MALRD1: variants seen among roughly 807,000 people sequenced by gnomAD.
The protein encoded by MALRD1 is MAM and LDL receptor class A domain containing 1, also known as MAM and LDL-receptor class A domain-containing protein 1.
In MALRD1, 247 loss-of-function variants were observed where a neutral mutation model predicts 242.1. The ratio of observed to expected loss-of-function variants is 1.02; its 90% CI spans 0.92 to 1.13. The LOEUF (loss-of-function observed/expected upper bound fraction) is 1.13, where lower values mean the gene tolerates loss of function less well. Ranked by LOEUF, MALRD1 falls within the 50% of genes most tolerant of loss-of-function variation. The pLI is 0.00. For missense variants in MALRD1, 2,989 were observed against 2,533.1 expected, an observed-to-expected ratio of 1.18 and a Z score of -3.86; for synonymous variants, 995 against 866.6, an observed-to-expected ratio of 1.15 and a Z score of -2.60.
At chr10:19,689,644 C>A (rs1302709758) in intron 36 of MALRD1, among the ~76,000 whole-genome samples, 1 of 152,108 alleles carries the variant, frequency 6.6e-6, no homozygotes, top group Non-Finnish European at 1.5e-5. Context: ...TTATCTTATA[C>A]AACGATATGA....
At chr10:19,421,654 A>G (rs1289916409) in intron 28 of MALRD1, among the ~76,000 whole-genome samples, 1 of 152,228 alleles carries the variant, frequency 6.6e-6, no homozygotes, top group Non-Finnish European at 1.5e-5. Flanking sequence ...AACGTATCCC[A>G]TATCTTCTAG....
intron 23 of MALRD1, among the ~76,000 whole-genome samples, chr10:19,329,136 A>G (rs967696235): frequency 4.6e-5 from 7 of 152,210 alleles, no homozygotes; most frequent in East Asian, 1.9e-4. Flanking sequence ...TTTGACTCTT[A>G]AAAGTAAATA....
intron 18 of MALRD1, among the ~76,000 whole-genome samples, chr10:19,239,667 AT>A (rs1406388860): frequency 6.6e-6 from 1 of 152,064 alleles, no homozygotes; most frequent in Non-Finnish European, 1.5e-5. Flanking sequence ...ATTTGAGTTG[AT>A]TTTTGTATAA....
chr10:19,059,174 T>C (rs1173344560), intron 1 of MALRD1, among the ~76,000 whole-genome samples: 2 of 152,206 alleles, frequency 1.3e-5, no homozygotes, highest in Non-Finnish European at 2.9e-5. Context: ...TAATTTTTGA[T>C]GCTATTTAGA....
chr10:19,717,221 A>G (rs1052356551), intron 38 of MALRD1, among the ~76,000 whole-genome samples: 2 of 152,238 alleles, frequency 1.3e-5, no homozygotes, highest in African/African-American at 4.8e-5. Context: ...ACTCAATCTC[A>G]GTGCTTTTCC....
chr10:19,621,822 A>G (rs1839415686), intron 36 of MALRD1, among the ~76,000 whole-genome samples: 1 of 151,854 alleles, frequency 6.6e-6, no homozygotes, highest in Non-Finnish European at 1.5e-5. Flanking sequence ...AAAATTTTTC[A>G]TGGCCTCTAG....
At chr10:19,166,474 T>C (rs970583600) in intron 13 of MALRD1, among the ~76,000 whole-genome samples, 1 of 152,036 alleles carries the variant, frequency 6.6e-6, no homozygotes, top group African/African-American at 2.4e-5. Flanking sequence ...GGTTAAAAAA[T>C]GTAGTTAGTT....
chr10:19,678,998 G>A (rs1842253735), intron 36 of MALRD1, among the ~76,000 whole-genome samples: 2 of 152,116 alleles, frequency 1.3e-5, no homozygotes, highest in Admixed American at 6.5e-5. Context: ...GCATCCCGGG[G>A]TTGAAGCCAC....
chr10:19,119,745 A>G (rs1836996949), intron 5 of MALRD1, among the ~76,000 whole-genome samples: 1 of 152,184 alleles, frequency 6.6e-6, no homozygotes, highest in Non-Finnish European at 1.5e-5. Flanking sequence ...TGTTAGTCCT[A>G]CAAAGGCAGT....
intron 18 of MALRD1, among the ~76,000 whole-genome samples, chr10:19,249,377 G>A (rs976026303): frequency 6.6e-5 from 10 of 151,720 alleles, no homozygotes; most frequent in African/African-American, 2.4e-4. Context: ...AGATAGTAGT[G>A]TGAAATATTA....
chr10:19,152,953 T>G (rs1427005578), intron 11 of MALRD1, among the ~76,000 whole-genome samples: 2 of 152,214 alleles, frequency 1.3e-5, no homozygotes, highest in African/African-American at 4.8e-5. Flanking sequence ...GTTTTATCAT[T>G]TGCCATTTAG....
intron 33 of MALRD1, among the ~76,000 whole-genome samples, chr10:19,587,184 CT>C (rs1186736465): frequency 6.6e-6 from 1 of 152,238 alleles, no homozygotes; most frequent in African/African-American, 2.4e-5. Context: ...AATCACCCAT[CT>C]TCTGCGTCAC....
chr10:19,392,309 C>T (rs776913616), intron 28 of MALRD1, among the ~76,000 whole-genome samples: 14 of 152,118 alleles, frequency 9.2e-5, no homozygotes, highest in Non-Finnish European at 1.6e-4. Flanking sequence ...GAACCTGAAT[C>T]CAAGTATGTC....
chr10:19,312,032 G>A (rs546120267), intron 21 of MALRD1, among the ~76,000 whole-genome samples: 21 of 151,386 alleles, frequency 1.4e-4, no homozygotes, highest in Admixed American at 2.6e-4. Context: ...ATAAATAACC[G>A]ATAAAGGCAG....
At chr10:19,206,524 T>C (rs1836794864) in intron 17 of MALRD1, among the ~76,000 whole-genome samples, 1 of 152,202 alleles carries the variant, frequency 6.6e-6, no homozygotes, top group Non-Finnish European at 1.5e-5. Flanking sequence ...ATAAGCAAAT[T>C]GCCCCTCAGA....
At chr10:19,580,352 C>T (rs1348333908) in intron 33 of MALRD1, among the ~76,000 whole-genome samples, 1 of 152,006 alleles carries the variant, frequency 6.6e-6, no homozygotes, top group East Asian at 1.9e-4. Context: ...TTAAGACGTT[C>T]TGTTTCTTCA....
At chr10:19,061,267 T>G (rs1834814723) in intron 1 of MALRD1, among the ~76,000 whole-genome samples, 1 of 152,164 alleles carries the variant, frequency 6.6e-6, no homozygotes, top group Admixed American at 6.5e-5. Context: ...ATGTCATTGT[T>G]GAAAGACATT....
At chr10:19,376,063 A>C (rs1431058779) in intron 26 of MALRD1, among the ~76,000 whole-genome samples, 1 of 152,218 alleles carries the variant, frequency 6.6e-6, no homozygotes, top group East Asian at 1.9e-4. Context: ...TGGAGGTTGC[A>C]GTGAGCCAAG....
chr10:19,614,469 T>A (rs1293060914), intron 35 of MALRD1, among the ~76,000 whole-genome samples: 3 of 151,948 alleles, frequency 2.0e-5, no homozygotes, highest in Non-Finnish European at 4.4e-5. Flanking sequence ...GCAAGAAAGG[T>A]GTTGAATTAT....
Sources: allele counts gnomAD v4.1 joint callset (sites outside exome capture counted in the v4.1 genomes callset), GRCh38; gene constraint gnomAD v4.1.1; transcripts MANE v1.5; gene names NCBI Gene and HGNC (gene_info 2026-07-23, HGNC 2026-07-21).